Variants in MIA2 observed in about 807,000 individuals in gnomAD.
MIA2 encodes the protein MIA SH3 domain ER export factor 2.
Under a neutral mutation model 167.8 loss-of-function variants are expected in MIA2, and 127 were observed. That is an observed-to-expected ratio of 0.76 (90% CI 0.66 to 0.88). MIA2 has a LOEUF of 0.88. Among genes scored for constraint, MIA2 ranks in the 40% least tolerant of loss-of-function variants. MIA2 has a pLI of 0.00. For synonymous variants in MIA2, 552 were observed against 541.9 expected (o/e 1.02, Z -0.26); for missense variants, 1,690 against 1,624.7 (o/e 1.04, Z -0.69).
Position 39,378,475 on chromosome 14 carries a change from A to G in MIA2, c.2249-8410A>G, listed in dbSNP as rs541518865. 1.1e-4 allele frequency among the ~76,000 whole-genome samples: 16 copies of G among 152,358 alleles called. No homozygotes were observed. The South Asian group carries it at 3.3e-3, about 32-fold the overall frequency. On this transcript the variant is annotated intron_variant, in intron 23 of 23. Coordinates refer to the MIA2 transcript ENST00000341502. ...CTAAGAGTACTCCTTAGAGTTCTAT[A>G]GCTGATTATAAACTGCCTTATAAAA...
intron 23 of MIA2, among the ~76,000 whole-genome samples, chr14:39,366,481 G>T (rs1248440074): frequency 6.6e-6 from 1 of 152,192 alleles, no homozygotes; most frequent in Non-Finnish European, 1.5e-5. Flanking sequence ...GGGCTGGGTG[G>T]GCCAGTTCCC....
intron 6 of MIA2, among the ~76,000 whole-genome samples, chr14:39,257,533 A>G (rs939645154): frequency 6.6e-6 from 1 of 150,598 alleles, no homozygotes; most frequent in East Asian, 2.0e-4. Context: ...TTGACTCTTT[A>G]TCCAATTTGC....
chr14:39,268,107 T>G (rs1235613621), intron 6 of MIA2, among the ~76,000 whole-genome samples: 1 of 152,176 alleles, frequency 6.6e-6, no homozygotes, highest in South Asian at 2.1e-4. Flanking sequence ...TCAAATTTTG[T>G]TTTTTATTTT....
chr14:39,385,855 C>T (rs2075264878), intron 23 of MIA2: 2 of 961,346 alleles, frequency 2.1e-6, no homozygotes, highest in East Asian at 2.4e-5. Context: ...TCGACCTCTC[C>T]CCCGCATGCC....
intron 20 of MIA2, 22 bp from the exon 21 acceptor site, chr14:39,315,660 AT>A: frequency 6.5e-7 from 1 of 1,529,640 alleles, no homozygotes; most frequent in Non-Finnish European, 9.0e-7. Context: ...GGTCAGTAGC[AT>A]TTTAATTACT....
chr14:39,252,989 T>G, intron 5 of MIA2, 23 bp downstream of exon 5: 1 of 1,570,794 alleles, frequency 6.4e-7, no homozygotes. Flanking sequence ...TTATTTATTC[T>G]CTAATGCATC....
At chr14:39,385,283 T>C (rs948052318) in intron 23 of MIA2, 14 of 647,174 alleles carry the variant, frequency 2.2e-5, no homozygotes, top group Non-Finnish European at 3.6e-5. Flanking sequence ...TGCAGTAAAG[T>C]GAAGATAACA....
In MIA2 at chr14:39,234,155, T is replaced by C; in HGVS notation, c.41T>C (p.Ile14Thr). 6.2e-7 allele frequency: 1 copy of C among 1,609,482 alleles called. No individual in the cohort carries two copies. Among genetic ancestry groups the C allele is most frequent in the South Asian group, 1.1e-5 (1 of 90,130 alleles). ...GTTCACAGAATCCTTCTTCTGGCTA[T>C]TTCTCTGACAAAGTGTCTGGAGAGT... is the stretch of plus-strand genomic sequence containing the variant. ...FGVHRILLLA[I>T]SLTKCLESTK... The change falls in exon 1 of 29, where the codon ATT becomes ACT. Residue 14 changes from isoleucine to threonine, a missense_variant. By Grantham distance (89) the Ile-to-Thr change is moderately conservative (BLOSUM62 -1). Transcript: ENST00000640607.
intron 3 of MIA2, among the ~76,000 whole-genome samples, chr14:39,245,094 A>T (rs868474636): frequency 2.1e-3 from 8 of 3,800 alleles, no homozygotes; most frequent in Non-Finnish European, 5.2e-3. Context: ...TTTTTTTTTT[A>T]AAGACAGGAT....
Position 39,290,233 on chromosome 14 carries a change from A to G in MIA2, c.2131-786A>G, listed in dbSNP as rs539312211. On this transcript the variant is annotated intron_variant, in intron 9 of 28. Transcript: ENST00000640607. ...GCCTCTTCTTCTAGGGGGAATAGAA[A>G]TGTCAAATACTAGACTTGCCTTTCT... Among the ~76,000 whole-genome samples, 6 of 152,308 alleles carry G rather than the reference A, an allele frequency of 3.9e-5. No homozygotes were observed. In the South Asian group the frequency reaches 1.0e-3, roughly 26 times the overall value.
chr14:39,267,582 G>T, intron 6 of MIA2: 2 of 1,593,202 alleles, frequency 1.3e-6, no homozygotes, highest in Non-Finnish European at 8.5e-7. Context: ...GCCGGGGGAA[G>T]GAAGCAGTAG....
At chr14:39,297,576 G>A (rs1437265439) in intron 13 of MIA2, among the ~76,000 whole-genome samples, 1 of 151,712 alleles carries the variant, frequency 6.6e-6, no homozygotes, top group African/African-American at 2.4e-5. Flanking sequence ...ATACTTTTAT[G>A]TTTTCAGTAT....
chr14:39,267,489 G>A (rs34909359), intron 6 of MIA2: 2 of 1,613,472 alleles, frequency 1.2e-6, no homozygotes, highest in South Asian at 1.1e-5. Context: ...CCCCTCAACC[G>A]TATTTGGGGC....
At chr14:39,319,599 T>G (rs1319628737) in intron 23 of MIA2, among the ~76,000 whole-genome samples, 3 of 152,080 alleles carry the variant, frequency 2.0e-5, no homozygotes, top group African/African-American at 4.8e-5. Flanking sequence ...CATTAACAAT[T>G]TTCTGTGAGA....
chr14:39,273,340 G>A (rs1180282771), intron 6 of MIA2, among the ~76,000 whole-genome samples: 1 of 71,306 alleles, frequency 1.4e-5, no homozygotes, highest in African/African-American at 4.4e-5. Context: ...GTACTTTGTT[G>A]AGTGTGTTTT....
chr14:39,381,019 A>C lies in MIA2; in HGVS notation c.2249-5866A>C, dbSNP rs142658284. Among the ~76,000 whole-genome samples, 659 of 143,950 alleles carry C rather than the reference A, an allele frequency of 4.6e-3. 3 individuals carry two copies. The highest frequency in any genetic ancestry group is 0.015 in the African/African-American group (540 of 37,200). The allele number at this position is 143,950 out of a possible 152,430, so 94.4% of individuals were successfully genotyped here. ...GTGGTAATAACTATTTTAGTAAAAA[A>C]AACAAAAAAAAAAAAAACAAAGGTA... is the stretch of plus-strand genomic sequence containing the variant. On this transcript the variant is annotated intron_variant, in intron 23 of 23. Transcript: ENST00000341502.
intron 6 of MIA2, among the ~76,000 whole-genome samples, chr14:39,270,776 G>C (rs2057004295): frequency 6.6e-6 from 1 of 152,150 alleles, no homozygotes. Flanking sequence ...TTGGGGAAAT[G>C]TCTATTGATT....
At chr14:39,302,296 C>T (rs774863352) in intron 15 of MIA2, 47 bp downstream of exon 15, 5 of 1,597,462 alleles carry the variant, frequency 3.1e-6, no homozygotes, top group Admixed American at 3.4e-5. Flanking sequence ...GTGACTAGCT[C>T]TTCTATTTCC....
At chr14:39,285,412 G>A (rs1400045771) in intron 9 of MIA2, among the ~76,000 whole-genome samples, 1 of 148,108 alleles carries the variant, frequency 6.8e-6, no homozygotes, top group Non-Finnish European at 1.5e-5. Flanking sequence ...AGGGGCGGCT[G>A]GCCGGGCGGG....
Sources: allele counts gnomAD v4.1 joint callset (sites outside exome capture counted in the v4.1 genomes callset), GRCh38; gene constraint gnomAD v4.1.1; transcripts MANE v1.5; gene names NCBI Gene and HGNC (gene_info 2026-07-23, HGNC 2026-07-21).